The following POLN variants were observed in gnomAD, a reference collection of about 807,000 sequenced individuals.
The protein encoded by POLN is DNA polymerase N.
In POLN, 108 loss-of-function variants were observed where a neutral mutation model predicts 113.5. The observed-to-expected ratio is 0.95, with a 90% CI of 0.81 to 1.12. The LOEUF is 1.12. Among genes scored for constraint, POLN ranks in the 50% most tolerant of loss-of-function variants. POLN has a pLI of 0.00. For synonymous variants in POLN, 386 were observed against 391.5 expected (o/e 0.99, Z 0.17); for missense variants, 1,097 against 1,077.1 (o/e 1.02, Z -0.26).
At chr4:2,148,672 CAAA>C (rs67970031) in intron 16 of POLN, among the ~76,000 whole-genome samples, 20 of 149,422 alleles carry the variant, frequency 1.3e-4, no homozygotes, top group African/African-American at 4.2e-4. Context: ...GTCCCCCCCC[CAAA>C]AAAAAAAAGT....
At chr4:2,107,648 T>C (rs552808737) in intron 19 of POLN, among the ~76,000 whole-genome samples, 1 of 152,240 alleles carries the variant, frequency 6.6e-6, no homozygotes, top group Non-Finnish European at 1.5e-5. Context: ...AGAAAAGGCC[T>C]AAGGCCAGGG....
At chr4:2,098,785 TA>T (rs921920129) in intron 19 of POLN, among the ~76,000 whole-genome samples, 14 of 152,124 alleles carry the variant, frequency 9.2e-5, no homozygotes, top group African/African-American at 3.4e-4. Context: ...CATTCTCCAG[TA>T]AAAAATGGGG....
chr4:2,098,027 C>T (rs905783267), intron 19 of POLN, among the ~76,000 whole-genome samples: 6 of 152,186 alleles, frequency 3.9e-5, no homozygotes, highest in Non-Finnish European at 7.3e-5. Flanking sequence ...TTCCAGTTTT[C>T]CCCCTTTTCC....
chr4:2,184,153 CAA>C (rs1280446507), intron 7 of POLN, among the ~76,000 whole-genome samples: 1 of 137,188 alleles, frequency 7.3e-6, no homozygotes, highest in Non-Finnish European at 1.5e-5. Flanking sequence ...CGTGCCCAGC[CAA>C]AGTTTTTTTT....
intron 19 of POLN, among the ~76,000 whole-genome samples, chr4:2,125,582 T>C (rs149749984): frequency 2.0e-5 from 3 of 151,466 alleles, no homozygotes; most frequent in Non-Finnish European, 2.9e-5. Context: ...GCACCTGGGG[T>C]GGGGTAAGAG....
chr4:2,212,277 A>G (rs1734012240), intron 4 of POLN, among the ~76,000 whole-genome samples: 2 of 152,106 alleles, frequency 1.3e-5, no homozygotes, highest in African/African-American at 4.8e-5. Context: ...CTGAAATTCT[A>G]TTATTTCCAC....
At chr4:2,240,580 A>G (rs1461128368) in intron 2 of POLN, 2 of 1,612,826 alleles carry the variant, frequency 1.2e-6, no homozygotes, top group East Asian at 2.2e-5. Flanking sequence ...ATCAATTGAC[A>G]TTTATTACGT....
chr4:2,081,199 G>A (rs750877759), intron 22 of POLN, 163 bp from the exon 23 acceptor site: 23 of 1,576,586 alleles, frequency 1.5e-5, no homozygotes, highest in South Asian at 1.0e-4. Context: ...CAGACACTTC[G>A]TCCTTGCTCC....
intron 8 of POLN, 123 bp downstream of exon 8, chr4:2,179,185 G>A (rs34980083): frequency 0.14 from 142,913 of 994,660 alleles, 16,932 homozygotes; most frequent in African/African-American, 0.51. Context: ...TATTTGTGCT[G>A]AATAAGTGAA....
intron 16 of POLN, among the ~76,000 whole-genome samples, chr4:2,135,295 ATG>A (rs896827454): frequency 2.6e-5 from 4 of 151,918 alleles, no homozygotes; most frequent in African/African-American, 7.3e-5. Flanking sequence ...ACAGAACCAC[ATG>A]TGTTTCTTCT....
chr4:2,199,255 T>C (rs573117859), intron 5 of POLN, among the ~76,000 whole-genome samples: 2 of 152,204 alleles, frequency 1.3e-5, no homozygotes, highest in Non-Finnish European at 2.9e-5. Flanking sequence ...TGCTGAAAAC[T>C]ATAAAATGCT....
intron 13 of POLN, among the ~76,000 whole-genome samples, chr4:2,168,989 G>A (rs1297018984): frequency 2.0e-5 from 3 of 152,248 alleles, no homozygotes; most frequent in African/African-American, 7.2e-5. Flanking sequence ...AGAAACAGCT[G>A]TGACTTGGGG....
intron 1 of POLN, 112 bp downstream of exon 1, chr4:2,241,925 TGGAGCACCTGGAAG>T: frequency 2.0e-6 from 2 of 985,434 alleles, no homozygotes; most frequent in Non-Finnish European, 2.4e-6. Context: ...GGGCAGCTGC[TGGAGCACCTGGAAG>T]GAGCCCCCAG....
intron 19 of POLN, among the ~76,000 whole-genome samples, chr4:2,105,676 G>A (rs1004866645): frequency 6.6e-6 from 1 of 152,074 alleles, no homozygotes. Flanking sequence ...GCTGAAAGTA[G>A]GGAGGGGACA....
intron 6 of POLN, among the ~76,000 whole-genome samples, chr4:2,195,514 C>T (rs1733552543): frequency 6.8e-6 from 1 of 147,552 alleles, no homozygotes; most frequent in African/African-American, 2.5e-5. Context: ...GACAGGGCCT[C>T]ACTCTGTCAT....
intron 13 of POLN, among the ~76,000 whole-genome samples, chr4:2,169,483 CT>C (rs1204939708): frequency 6.6e-6 from 1 of 152,290 alleles, no homozygotes; most frequent in East Asian, 1.9e-4. Context: ...ACTCACAGGA[CT>C]TTTCTCAGAA....
intron 16 of POLN, among the ~76,000 whole-genome samples, chr4:2,149,443 C>A (rs1299041535): frequency 6.6e-6 from 1 of 152,082 alleles, no homozygotes; most frequent in Non-Finnish European, 1.5e-5. Flanking sequence ...TAAAGGATGT[C>A]CTTTAGGCAG....
intron 2 of POLN, chr4:2,240,879 T>C (rs774153668): frequency 2.5e-6 from 4 of 1,609,972 alleles, no homozygotes; most frequent in South Asian, 2.2e-5. Context: ...GTCTTCTCCA[T>C]TAAGATTATC....
At chr4:2,213,171 T>C (rs552957492) in intron 3 of POLN, 45 bp from the exon 4 acceptor site, 2 of 1,279,428 alleles carry the variant, frequency 1.6e-6, no homozygotes, top group South Asian at 2.6e-5. Context: ...TAAAGAAACA[T>C]TGATATCTAA....
Sources: gnomAD v4.1 joint callset for allele counts (sites outside exome capture counted in the v4.1 genomes callset) on GRCh38, gnomAD v4.1.1 for gene constraint, MANE v1.5 for transcripts, NCBI Gene and HGNC (gene_info 2026-07-23, HGNC 2026-07-21) for gene names.